The following KNL1 variants were observed in gnomAD, a reference collection of about 807,000 sequenced individuals.
KNL1 encodes outer kinetochore KNL1 complex subunit KNL1.
KNL1 carries 66 observed loss-of-function variants against 201.3 expected under a neutral mutation model. That is an observed-to-expected ratio of 0.33 (90% CI 0.27 to 0.40). The LOEUF is 0.40. Among genes scored for constraint, KNL1 ranks in the 10% least tolerant of loss-of-function variants. The pLI is 1.00. For missense variants in KNL1, 2,815 were observed against 2,690.5 expected (o/e 1.05, Z -1.02); for synonymous variants, 895 against 899.2 (o/e 1.00, Z 0.08).
chr15:40,623,517 G>A lies in KNL1; in HGVS notation c.3253G>A (p.Asp1085Asn). The change falls in exon 10 of 26, where the codon GAT becomes AAT. Residue 1085 changes from aspartate to asparagine, a missense_variant. Physicochemically the swap from Asp to Asn is conservative, Grantham distance 23. Around this residue, in one of 3 missense-constraint regions of KNL1, gnomAD observed 2,464 missense variants for 2,291.7 expected, o/e 1.08. Transcript: ENST00000399668. Reference sequence around the variant, plus strand: ...TGTATTTTCAGAGAATCATAAAAATGATATGGATATTACCCAGAGTTGTAT... The same window carrying A: ...TGTATTTTCAGAGAATCATAAAAATAATATGGATATTACCCAGAGTTGTAT... ...TIVFSENHKN[D>N]MDITQSCMVE... 6.2e-7 allele frequency: 1 copy of A among 1,613,248 alleles called. No homozygotes were observed. The highest frequency in any genetic ancestry group is 8.5e-7 in the Non-Finnish European group (1 of 1,179,748).
Position 40,645,762 on chromosome 15 carries a change from A to G in KNL1, c.5996A>G (p.Gln1999Arg). ...GTGGCTCTGTATGGCAAGCTGGTGC[A>G]GTCAGCTCAGGTAATTTGAGACAGT... ...GKVALYGKLV[Q>R]SAQNEREKLQ... Residue 1999 changes from glutamine to arginine, a missense_variant, in exon 16 of 26, where the codon CAG (glutamine) becomes CGG (arginine). By Grantham distance (43) the Gln-to-Arg change is conservative. This residue lies in a region of KNL1 where 334 missense variants were observed against 362.6 expected (regional missense o/e 0.92). Transcript: ENST00000399668. 2.5e-6 allele frequency: 4 copies of G among 1,569,496 alleles called. No individual in the cohort carries two copies. Among genetic ancestry groups the G allele is most frequent in the Non-Finnish European group, 3.5e-6 (4 of 1,148,028 alleles).
At chr15:40,645,796 T>C (rs564686895) in intron 16 of KNL1, 24 bp downstream of exon 16, 168 of 1,182,458 alleles carry the variant, frequency 1.4e-4, no homozygotes, top group Non-Finnish European at 1.9e-4. Flanking sequence ...GTTAATATCA[T>C]AGAAAGAGAG....
At chr15:40,605,931 A>G (rs756194221) in intron 3 of KNL1, among the ~76,000 whole-genome samples, 3 of 152,194 alleles carry the variant, frequency 2.0e-5, no homozygotes, top group Non-Finnish European at 2.9e-5. Context: ...TTCTTTCCCT[A>G]TAATTACTGT....
At chr15:40,611,760 GTTTTT>G (rs1214611104) in intron 7 of KNL1, among the ~76,000 whole-genome samples, 1 of 151,802 alleles carries the variant, frequency 6.6e-6, no homozygotes, top group Non-Finnish European at 1.5e-5. Flanking sequence ...CAAGTCTTTA[GTTTTT>G]TTATTAAATT....
rs1392096908 is a variant in KNL1, at chr15:40,621,190, A to G, written c.926A>G (p.Asn309Ser). ...ACCAACTCACGGGAATCTAAAGGTA[A>G]TGATATTACAATTTATGGCAATGAC... is the stretch of plus-strand genomic sequence containing the variant. ...SETNSRESKG[N>S]DITIYGNDFM... Residue 309 changes from asparagine to serine, a missense_variant, in exon 10 of 26, where the codon AAT becomes AGT. Coordinates refer to ENST00000399668, the MANE Select transcript of KNL1 (RefSeq NM_144508.5). 18 of 1,612,520 alleles carry G rather than the reference A, an allele frequency of 1.1e-5. No homozygotes were observed. Among genetic ancestry groups the G allele is most frequent in the Admixed American group, 1.7e-5 (1 of 59,776 alleles).
rs560175066 is a variant in KNL1, at chr15:40,624,062, A to G, written c.3798A>G (p.Thr1266=). The G allele has an allele frequency of 1.9e-5, 30 of 1,613,966 alleles. No homozygotes were observed. Among genetic ancestry groups the G allele is most frequent in the East Asian group, 1.1e-4 (5 of 44,892 alleles). Residue 1266 remains threonine, a synonymous_variant, in exon 10 of 26, where the codon ACA becomes ACG. Coordinates refer to ENST00000399668, the MANE Select transcript of KNL1 (RefSeq NM_144508.5). ...GGAAAGTTGTAGACCAGGCCTGTAC[A>G]TTGGAAAAAGCGCAAGTTGAAAGCT... ...VIGKVVDQAC[T]LEKAQVESCQ...
chr15:40,602,294 A>G (rs1236609681), intron 1 of KNL1, among the ~76,000 whole-genome samples: 2 of 124,060 alleles, frequency 1.6e-5, no homozygotes, highest in African/African-American at 6.3e-5. Context: ...CGGCCTCCCA[A>G]AGTGCTGTAT....
At chr15:40,601,647 G>A (rs1891793909) in intron 1 of KNL1, among the ~76,000 whole-genome samples, 1 of 151,502 alleles carries the variant, frequency 6.6e-6, no homozygotes, top group African/African-American at 2.4e-5. Context: ...GTGAAACCCC[G>A]TCTCTACTAA....
intron 13 of KNL1, among the ~76,000 whole-genome samples, chr15:40,633,430 C>T (rs951474919): frequency 3.3e-5 from 5 of 151,954 alleles, no homozygotes; most frequent in African/African-American, 4.8e-5. Context: ...AACAAACCTG[C>T]GCTGCCATTC....
intron 1 of KNL1, among the ~76,000 whole-genome samples, chr15:40,599,578 T>C (rs1891725419): frequency 6.6e-6 from 1 of 151,596 alleles, no homozygotes; most frequent in African/African-American, 2.4e-5. Flanking sequence ...GAGGTGGGGT[T>C]TTGCCGTGTT....
At chr15:40,602,742 C>T (rs1891848839) in intron 1 of KNL1, among the ~76,000 whole-genome samples, 173 bp from the exon 2 acceptor site, 1 of 152,082 alleles carries the variant, frequency 6.6e-6, no homozygotes, top group Non-Finnish European at 1.5e-5. Flanking sequence ...GCCTCGGCCT[C>T]CCAAAGTGCT....
Position 40,659,474 on chromosome 15 carries a change from C to A in KNL1, c.6836+13C>A. ...TTGGGAACACTAGGTGAGTAAAGGG[C>A]CAACAGGGTAAGACTCTGGGCTACT... On this transcript the variant is annotated intron_variant, in intron 25 of 25. Coordinates refer to ENST00000399668, the MANE Select transcript of KNL1 (RefSeq NM_144508.5). 1 of 1,610,244 alleles carries A rather than the reference C, an allele frequency of 6.2e-7. No homozygotes were observed. Among genetic ancestry groups the A allele is most frequent in the Non-Finnish European group, 8.5e-7 (1 of 1,178,088 alleles).
chr15:40,606,480 G>T (rs772795349), intron 4 of KNL1, 28 bp downstream of exon 4: 3 of 1,215,292 alleles, frequency 2.5e-6, no homozygotes, highest in Middle Eastern at 2.1e-4. Context: ...ATACTTTATA[G>T]ATGACTATTT....
chr15:40,661,187 A>G (rs1401383191), intron 25 of KNL1, among the ~76,000 whole-genome samples: 1 of 151,874 alleles, frequency 6.6e-6, no homozygotes, highest in Non-Finnish European at 1.5e-5. Context: ...CAGCCTGGCC[A>G]ACATGACAAA....
At chr15:40,646,375 A>G (rs1000577719) in intron 16 of KNL1, among the ~76,000 whole-genome samples, 1 of 152,034 alleles carries the variant, frequency 6.6e-6, no homozygotes, top group Non-Finnish European at 1.5e-5. Flanking sequence ...TGCTAAAATA[A>G]AGTACCAGAA....
At chr15:40,599,419 T>G (rs145570988) in intron 1 of KNL1, among the ~76,000 whole-genome samples, 2,035 of 151,194 alleles carry the variant, frequency 0.013, 48 homozygotes, top group African/African-American at 0.047. Flanking sequence ...GGTCTTTCTC[T>G]GTTGCCCAGG....
intron 17 of KNL1, among the ~76,000 whole-genome samples, chr15:40,649,566 AT>A (rs1468269744): frequency 6.6e-6 from 1 of 151,432 alleles, no homozygotes; most frequent in Non-Finnish European, 1.5e-5. Context: ...AAGTGCTAGG[AT>A]TACAGGCATC....
intron 1 of KNL1, among the ~76,000 whole-genome samples, chr15:40,599,564 C>T (rs1566997266): frequency 1.3e-5 from 2 of 151,156 alleles, no homozygotes; most frequent in African/African-American, 4.9e-5. Flanking sequence ...TTGTATTTTT[C>T]GTAGAGGTGG....
intron 10 of KNL1, among the ~76,000 whole-genome samples, chr15:40,626,586 T>G (rs1892760345): frequency 3.9e-5 from 6 of 151,984 alleles, no homozygotes; most frequent in Admixed American, 3.9e-4. Context: ...ATTTATTCAT[T>G]TATTTATTTT....
Sources: allele counts gnomAD v4.1 joint callset (sites outside exome capture counted in the v4.1 genomes callset), GRCh38; gene constraint gnomAD v4.1.1; regional missense constraint gnomAD v4.1.1; transcripts MANE v1.5; gene names NCBI Gene and HGNC (gene_info 2026-07-23, HGNC 2026-07-21).